Variants in CTDP1 observed in about 807,000 individuals in gnomAD.
CTDP1 encodes the protein CTD phosphatase 1.
CTDP1 carries 47 observed loss-of-function variants against 91.8 expected under a neutral mutation model. The ratio of observed to expected loss-of-function variants is 0.51; its 90% CI spans 0.41 to 0.65. CTDP1 has a LOEUF of 0.65. Ranked by LOEUF, CTDP1 falls within the 30% of genes least tolerant of loss-of-function variation. The pLI, the probability that CTDP1 is intolerant of heterozygous loss-of-function variation, is 0.00. For synonymous variants in CTDP1, 656 were observed against 598.5 expected (o/e 1.10, Z -1.40); for missense variants, 1,272 against 1,373.7 (o/e 0.93, Z 1.17).
At chr18:79,690,318 C>T (rs1320747306) in intron 1 of CTDP1, among the ~76,000 whole-genome samples, 3 of 152,194 alleles carry the variant, frequency 2.0e-5, no homozygotes, top group Non-Finnish European at 4.4e-5. Context: ...ACTTACTATA[C>T]TTGTGTATTT....
At chr18:79,706,512 T>G (rs2085969241) in intron 5 of CTDP1, among the ~76,000 whole-genome samples, 1 of 151,892 alleles carries the variant, frequency 6.6e-6, no homozygotes, top group African/African-American at 2.4e-5. Context: ...AACCAGAAAA[T>G]TATTCCTCAC....
chr18:79,737,314 G>T (rs1181305913), intron 12 of CTDP1, among the ~76,000 whole-genome samples: 1 of 152,284 alleles, frequency 6.6e-6, no homozygotes, highest in East Asian at 1.9e-4. Context: ...CAGCTGCTTG[G>T]TTCTGAATCT....
rs564455972 is a variant in CTDP1, at chr18:79,747,373, G to A, written c.2748-6279G>A. Among the ~76,000 whole-genome samples the A allele has an allele frequency of 9.1e-4, 138 of 152,328 alleles. 1 individual carries two copies. Among genetic ancestry groups the A allele is most frequent in the African/African-American group, 3.2e-3 (132 of 41,588 alleles). ...TCACACCCAGAGCTGTGGCATCCCCGCTGGGGCCCTGCGGGAACTGGGACT... is the reference window on the plus strand; with the variant it reads ...TCACACCCAGAGCTGTGGCATCCCCACTGGGGCCCTGCGGGAACTGGGACT... On this transcript the variant is annotated intron_variant, in intron 12 of 12. Coordinates refer to ENST00000613122, the MANE Select transcript of CTDP1 (RefSeq NM_004715.5).
Position 79,713,397 on chromosome 18 carries a change from TAACACATCC to T in CTDP1, c.1030+260_1030+268del, listed in dbSNP as rs921894296. On this transcript the variant is annotated intron_variant, in intron 7 of 12. Coordinates refer to ENST00000613122, the MANE Select transcript of CTDP1 (RefSeq NM_004715.5). The surrounding 1 kb of genome is among the most constrained non-coding windows in gnomAD (Gnocchi z 4.7). Reference sequence around the variant, plus strand: ...AAAAACTAGAGGATGCTGTTTAACCTAACACATCCGAATAACTCCCTTCATCCCAGTTTT... The same window carrying T: ...AAAAACTAGAGGATGCTGTTTAACCTGAATAACTCCCTTCATCCCAGTTTT... 1.3e-5 allele frequency among the ~76,000 whole-genome samples: 2 copies of T among 152,210 alleles called. No individual in the cohort carries two copies. The highest frequency in any genetic ancestry group is 4.8e-5 in the African/African-American group (2 of 41,454).
At chr18:79,716,601 C>T (rs910138550) in intron 8 of CTDP1, among the ~76,000 whole-genome samples, 2 of 152,030 alleles carry the variant, frequency 1.3e-5, no homozygotes, top group Non-Finnish European at 2.9e-5. Context: ...CCCTCAGGTG[C>T]CTGTCTGCCC....
chr18:79,722,355 T>C (rs2086362000), intron 10 of CTDP1, among the ~76,000 whole-genome samples: 1 of 152,232 alleles, frequency 6.6e-6, no homozygotes. Context: ...TGTTTAGCTG[T>C]GCCTTCCGTG....
chr18:79,693,721 C>T (rs956387422), intron 1 of CTDP1, among the ~76,000 whole-genome samples: 3 of 152,188 alleles, frequency 2.0e-5, no homozygotes, highest in South Asian at 4.1e-4. Context: ...TCCTCAGCAC[C>T]GTTCCTCCTC....
intron 1 of CTDP1, chr18:79,685,570 T>A (rs961249231): frequency 6.6e-6 from 1 of 152,218 alleles, no homozygotes; most frequent in Non-Finnish European, 1.5e-5. Flanking sequence ...AAAACATTGC[T>A]GAATAAAATG....
At chr18:79,719,068 T>C (rs1233538805) in intron 10 of CTDP1, among the ~76,000 whole-genome samples, 6 of 152,152 alleles carry the variant, frequency 3.9e-5, no homozygotes, top group Non-Finnish European at 8.8e-5. Context: ...GGGTGGCAGC[T>C]CCCGAACCTG....
rs376183184 is a variant in CTDP1, at chr18:79,695,318, C to T, written c.398+10C>T. 1.2e-5 allele frequency: 20 copies of T among 1,613,418 alleles called. No homozygotes were observed. Among genetic ancestry groups the T allele is most frequent in the East Asian group, 8.9e-5 (4 of 44,886 alleles). On this transcript the variant is annotated intron_variant, in intron 2 of 12. Transcript: ENST00000613122. The stretch of plus-strand genomic sequence containing the variant: ...GCCAAGACCTCACCCAGTAAGTATC[C>T]GGAAGAGTGAGATCGCTGCCTGCTG...
intron 6 of CTDP1, 71 bp downstream of exon 6, chr18:79,710,507 AT>A: frequency 8.5e-7 from 1 of 1,181,924 alleles, no homozygotes; most frequent in Non-Finnish European, 1.3e-6. Context: ...GCATCTTGAA[AT>A]TTAGAGCAGT....
intron 5 of CTDP1, among the ~76,000 whole-genome samples, chr18:79,706,328 C>A (rs1174710982): frequency 6.6e-6 from 1 of 152,174 alleles, no homozygotes; most frequent in Non-Finnish European, 1.5e-5. Context: ...TGGAAATAGA[C>A]CCCCAAATCC....
In CTDP1 at chr18:79,680,151, A is replaced by T; in HGVS notation, c.204A>T (p.Val68=). 7.0e-7 allele frequency: 1 copy of T among 1,421,404 alleles called. No individual in the cohort carries two copies. Among genetic ancestry groups the T allele is most frequent in the Non-Finnish European group, 9.2e-7 (1 of 1,089,860 alleles). 88.0% of individuals were successfully genotyped at this position (1,421,404 alleles called of 1,614,324 possible). A position where few individuals can be genotyped will look rare whatever the true frequency, so the allele number is the denominator to read the frequency against. ...AQSSGASQSR[V]ASGGCVRPAR... is the part of the protein sequence containing the mutation. ...CCTCCGGGGCCTCTCAGTCCCGTGT[A>T]GCCTCCGGGGGCTGCGTGCGCCCCG... Residue 68 remains valine (V), a synonymous_variant, in exon 1 of 13, where the codon GTA becomes GTT. Transcript: ENST00000613122.
chr18:79,733,044 G>T (rs752505337), intron 11 of CTDP1, among the ~76,000 whole-genome samples: 1 of 152,226 alleles, frequency 6.6e-6, no homozygotes, highest in East Asian at 1.9e-4. Flanking sequence ...GAGTCTCCTC[G>T]TGGTGGGCGT....
At chr18:79,737,690 G>A (rs929389023) in intron 12 of CTDP1, among the ~76,000 whole-genome samples, 4 of 152,128 alleles carry the variant, frequency 2.6e-5, no homozygotes, top group East Asian at 1.9e-4. Flanking sequence ...GTTCTGGGTG[G>A]TGGCGGAGAC....
chr18:79,698,502 C>T (rs1452221894), intron 4 of CTDP1, among the ~76,000 whole-genome samples: 2 of 152,104 alleles, frequency 1.3e-5, no homozygotes, highest in Admixed American at 1.3e-4. Flanking sequence ...AGGGTGAGGG[C>T]AGAACCCTGT....
At chr18:79,704,960 T>G in intron 5 of CTDP1, 43 bp downstream of exon 5, 1 of 1,609,890 alleles carries the variant, frequency 6.2e-7, no homozygotes, top group Non-Finnish European at 8.5e-7. Flanking sequence ...AACAGTGGGT[T>G]TCTTTCCTGT....
upstream of CTDP1, chr18:79,677,694 T>C (rs1437967779): frequency 2.6e-5 from 4 of 152,296 alleles, no homozygotes; most frequent in African/African-American, 7.2e-5. Flanking sequence ...GGTCTGTAAA[T>C]GTTGCCCATG....
intron 1 of CTDP1, among the ~76,000 whole-genome samples, chr18:79,693,658 T>G (rs950532760): frequency 9.5e-4 from 145 of 152,272 alleles, no homozygotes; most frequent in East Asian, 1.9e-4. Context: ...AGATTCTTGA[T>G]AGTCACCGGC....
Sources: allele counts gnomAD v4.1 joint callset (sites outside exome capture counted in the v4.1 genomes callset), GRCh38; gene constraint gnomAD v4.1.1; non-coding constraint Gnocchi (gnomAD v3.1); transcripts MANE v1.5; gene names NCBI Gene and HGNC (gene_info 2026-07-23, HGNC 2026-07-21).